The following DAB1 variants were observed in gnomAD, a reference collection of about 807,000 sequenced individuals.
DAB1 encodes the protein disabled homolog 1.
Under a neutral mutation model 64.6 loss-of-function variants are expected in DAB1, and 15 were observed. That is an observed-to-expected ratio of 0.23 (90% CI 0.16 to 0.36). The LOEUF (loss-of-function observed/expected upper bound fraction) is 0.36, where lower values mean the gene tolerates loss of function less well. DAB1 is among the 10% of genes least tolerant of loss of function. The pLI is 1.00. For synonymous variants in DAB1, 235 were observed against 251.9 expected (o/e 0.93, Z 0.64); for missense variants, 596 against 706.7 (o/e 0.84, Z 1.78).
chr1:57,629,686 A>G (rs748439681), intron 7 of DAB1, among the ~76,000 whole-genome samples: 48 of 151,858 alleles, frequency 3.2e-4, no homozygotes, highest in Non-Finnish European at 4.4e-4. Context: ...ATCTTTCACA[A>G]TGCTGCCTAG....
intron 7 of DAB1, among the ~76,000 whole-genome samples, chr1:57,459,069 C>A (rs1366881867): frequency 6.6e-6 from 1 of 151,990 alleles, no homozygotes; most frequent in Non-Finnish European, 1.5e-5. Context: ...AAATTATAAA[C>A]TTAATTTTTC....
chr1:58,510,326 A>G (rs569716758), intron 2 of DAB1, among the ~76,000 whole-genome samples: 1 of 152,312 alleles, frequency 6.6e-6, no homozygotes, highest in Admixed American at 6.5e-5. Flanking sequence ...ATGGTTCAAC[A>G]CACAAAAATC....
intron 5 of DAB1, among the ~76,000 whole-genome samples, chr1:58,142,871 T>C (rs957318757): frequency 6.6e-6 from 1 of 152,228 alleles, no homozygotes; most frequent in African/African-American, 2.4e-5. Context: ...CAGTCTGATT[T>C]TTATAAGAAT....
upstream of DAB1, among the ~76,000 whole-genome samples, chr1:57,885,296 A>C (rs926811033): frequency 6.6e-6 from 1 of 152,264 alleles, no homozygotes; most frequent in African/African-American, 2.4e-5. Context: ...ATAAAGAAAC[A>C]GAAGTATAGA....
At chr1:58,061,079 G>A (rs1570296956) in intron 5 of DAB1, among the ~76,000 whole-genome samples, 1 of 152,114 alleles carries the variant, frequency 6.6e-6, no homozygotes, top group East Asian at 1.9e-4. Flanking sequence ...AGGATGCTCA[G>A]GTCTGACGTG....
intron 5 of DAB1, among the ~76,000 whole-genome samples, chr1:57,947,840 C>A (rs562609315): frequency 6.6e-6 from 1 of 152,168 alleles, no homozygotes; most frequent in African/African-American, 2.4e-5. Flanking sequence ...AAGTTCAGAT[C>A]GTCAGTATGT....
chr1:57,804,779 T>C (rs1383808648), intron 6 of DAB1, among the ~76,000 whole-genome samples: 1 of 152,232 alleles, frequency 6.6e-6, no homozygotes, highest in East Asian at 1.9e-4. Context: ...TCCAGTGTAC[T>C]GGTAGTGCTT....
intron 3 of DAB1, among the ~76,000 whole-genome samples, chr1:58,349,439 T>C (rs961468813): frequency 1.3e-5 from 2 of 151,572 alleles, no homozygotes; most frequent in Admixed American, 6.6e-5. Context: ...CTCCTTTTAT[T>C]ATTATTATTA....
At chr1:58,231,394 G>A (rs1296714900) in intron 4 of DAB1, among the ~76,000 whole-genome samples, 1 of 152,186 alleles carries the variant, frequency 6.6e-6, no homozygotes, top group Admixed American at 6.5e-5. Flanking sequence ...AAAGGGAAAT[G>A]ACTTGGACTC....
At chr1:57,954,136 TCGGATGTATTGGCCATAAAAAC>T (rs1645336896) in intron 5 of DAB1, among the ~76,000 whole-genome samples, 1 of 152,124 alleles carries the variant, frequency 6.6e-6, no homozygotes, top group Non-Finnish European at 1.5e-5. Flanking sequence ...TCCTAAAAGT[TCGGATGTATTGGCCATAAAAAC>T]AGGTTATAGG....
intron 14 of DAB1, among the ~76,000 whole-genome samples, chr1:57,003,852 C>G (rs1053134109): frequency 6.6e-6 from 1 of 152,162 alleles, no homozygotes; most frequent in African/African-American, 2.4e-5. Flanking sequence ...AATATATACA[C>G]CCATGTCAGC....
intron 5 of DAB1, chr1:58,056,485 G>A (rs1472569501): frequency 3.7e-6 from 5 of 1,368,976 alleles, no homozygotes; most frequent in Non-Finnish European, 5.2e-6. Context: ...TGTCATCTTG[G>A]AGGCACGGAC....
At chr1:57,681,189 C>G (rs1437123551) in intron 6 of DAB1, among the ~76,000 whole-genome samples, 2 of 152,194 alleles carry the variant, frequency 1.3e-5, no homozygotes, top group African/African-American at 4.8e-5. Flanking sequence ...CATGGCATTC[C>G]TTGACTTGCA....
intron 8 of DAB1, among the ~76,000 whole-genome samples, chr1:57,067,775 G>A (rs569146605): frequency 1.3e-5 from 2 of 152,206 alleles, no homozygotes; most frequent in East Asian, 1.9e-4. Context: ...TAAATTAATG[G>A]CTGAGTTGAT....
intron 1 of DAB1, among the ~76,000 whole-genome samples, chr1:57,349,628 G>A (rs898280692): frequency 2.0e-5 from 3 of 152,124 alleles, no homozygotes; most frequent in Non-Finnish European, 4.4e-5. Flanking sequence ...ACATTTTTCA[G>A]GACTGATGAT....
chr1:57,164,540 C>A lies in DAB1; in HGVS notation c.68-19111G>T, dbSNP rs61767496. Reference sequence around the variant, plus strand: ...TCCAAGCTGTGTTGATTAGGGACAGCCTTTTCCTGGGGAATTGGGTATTCA... The same window carrying A: ...TCCAAGCTGTGTTGATTAGGGACAGACTTTTCCTGGGGAATTGGGTATTCA... On this transcript the variant is annotated intron_variant, in intron 2 of 14. Transcript: ENST00000371236. Among the ~76,000 whole-genome samples the A allele has an allele frequency of 7.6e-3, 1,161 of 152,100 alleles. 21 individuals are homozygous for A. The highest frequency in any genetic ancestry group is 0.07 in the East Asian group (357 of 5,128).
intron 6 of DAB1, among the ~76,000 whole-genome samples, chr1:57,745,853 TG>T: frequency 6.6e-6 from 1 of 152,300 alleles, no homozygotes; most frequent in African/African-American, 2.4e-5. Context: ...ATGAATTAAG[TG>T]GATATCTTTA....
At chr1:58,086,453 G>T (rs1650322921) in intron 5 of DAB1, among the ~76,000 whole-genome samples, 2 of 152,128 alleles carry the variant, frequency 1.3e-5, no homozygotes. Flanking sequence ...CTCATACCCT[G>T]CCTCCTATCT....
intron 4 of DAB1, among the ~76,000 whole-genome samples, chr1:57,084,881 G>A (rs1475846593): frequency 6.6e-6 from 1 of 152,176 alleles, no homozygotes; most frequent in African/African-American, 2.4e-5. Context: ...CTGAGGTGGT[G>A]GGCTGAGCTC....
Sources: allele counts gnomAD v4.1 joint callset (sites outside exome capture counted in the v4.1 genomes callset), GRCh38; gene constraint gnomAD v4.1.1; transcripts MANE v1.5; gene names NCBI Gene and HGNC (gene_info 2026-07-23, HGNC 2026-07-21).